XKR9: variants seen among roughly 807,000 people sequenced by gnomAD.
XKR9 encodes XK-related protein 9.
A neutral mutation model predicts 32.0 loss-of-function variants in XKR9; 32 were observed. That is an observed-to-expected ratio of 1.00 (90% CI 0.76 to 1.34). The LOEUF (loss-of-function observed/expected upper bound fraction) is 1.34, where lower values mean the gene tolerates loss of function less well. XKR9 is among the 40% of genes most tolerant of loss of function. The pLI, the probability that XKR9 is intolerant of heterozygous loss-of-function variation, is 0.00. For synonymous variants in XKR9, 168 were observed against 143.4 expected, an observed-to-expected ratio of 1.17 and a Z score of -1.22; for missense variants, 546 against 429.7, an observed-to-expected ratio of 1.27 and a Z score of -2.39.
chr8:70,810,804 C>A, the XKR9 span, among the ~76,000 whole-genome samples: 1 of 152,140 alleles, frequency 6.6e-6, no homozygotes. Context: ...TCCTTAGAGA[C>A]CTACAAAGAG....
intron 2 of XKR9, among the ~76,000 whole-genome samples, chr8:70,676,399 C>T (rs569082979): frequency 6.6e-6 from 1 of 152,262 alleles, no homozygotes; most frequent in Admixed American, 6.5e-5. Flanking sequence ...AAGAAGTCCC[C>T]TATGAAGCCA....
the XKR9 span, among the ~76,000 whole-genome samples, chr8:70,997,770 A>T: frequency 6.6e-6 from 1 of 152,230 alleles, no homozygotes; most frequent in African/African-American, 2.4e-5. Context: ...GAAATAAATA[A>T]ATAAATAAAA....
the XKR9 span, among the ~76,000 whole-genome samples, chr8:70,859,615 A>C: frequency 1.3e-5 from 2 of 152,158 alleles, no homozygotes; most frequent in African/African-American, 2.4e-5. Context: ...TAATGAATGG[A>C]TAAAGTATGG....
the XKR9 span, among the ~76,000 whole-genome samples, chr8:70,961,250 T>C: frequency 6.6e-6 from 1 of 152,042 alleles, no homozygotes; most frequent in East Asian, 1.9e-4. Flanking sequence ...AGCAGAGGTA[T>C]AGAGGAAGCC....
chr8:70,944,763 A>G, the XKR9 span, among the ~76,000 whole-genome samples: 1 of 152,240 alleles, frequency 6.6e-6, no homozygotes, highest in African/African-American at 2.4e-5. Flanking sequence ...AAGCAGTTTA[A>G]TGGAGAAGAT....
the XKR9 span, among the ~76,000 whole-genome samples, chr8:70,915,113 G>T: frequency 1.3e-5 from 2 of 152,100 alleles, no homozygotes; most frequent in African/African-American, 4.8e-5. Context: ...TGGGCTTGCA[G>T]AACTAGTTGA....
the XKR9 span, among the ~76,000 whole-genome samples, chr8:71,037,447 G>A: frequency 6.6e-6 from 1 of 152,116 alleles, no homozygotes; most frequent in Non-Finnish European, 1.5e-5. Context: ...GTATTCGGAG[G>A]CCCTGATAAT....
At chr8:71,017,150 T>C in the XKR9 span, among the ~76,000 whole-genome samples, 1 of 152,174 alleles carries the variant, frequency 6.6e-6, no homozygotes, top group African/African-American at 2.4e-5. Context: ...TATGTGGAAT[T>C]TTGACATTTC....
chr8:70,677,473 A>T (rs1818923157), intron 2 of XKR9, among the ~76,000 whole-genome samples: 2 of 152,174 alleles, frequency 1.3e-5, no homozygotes, highest in South Asian at 4.1e-4. Context: ...AAAGGTTTAG[A>T]TCACATCATT....
the XKR9 span, among the ~76,000 whole-genome samples, chr8:70,799,458 G>A: frequency 6.6e-6 from 1 of 152,156 alleles, no homozygotes; most frequent in East Asian, 1.9e-4. Flanking sequence ...AGCCTTCTGA[G>A]TAGCTGGGAC....
the XKR9 span, among the ~76,000 whole-genome samples, chr8:70,817,888 G>A: frequency 6.6e-6 from 1 of 152,132 alleles, no homozygotes; most frequent in Non-Finnish European, 1.5e-5. Flanking sequence ...AATAAACGGT[G>A]CTGTGATAAC....
intron 4 of XKR9, among the ~76,000 whole-genome samples, chr8:70,719,232 A>C (rs1806193790): frequency 6.6e-6 from 1 of 151,976 alleles, no homozygotes; most frequent in Non-Finnish European, 1.5e-5. Flanking sequence ...AGACTGCAAA[A>C]ATTTTCTCTC....
chr8:70,892,408 C>T, the XKR9 span, among the ~76,000 whole-genome samples: 1 of 151,572 alleles, frequency 6.6e-6, no homozygotes, highest in Non-Finnish European at 1.5e-5. Flanking sequence ...TTCTTTTTTC[C>T]TTTGTGTAAC....
the XKR9 span, among the ~76,000 whole-genome samples, chr8:71,042,027 A>G: frequency 6.6e-6 from 1 of 152,086 alleles, no homozygotes; most frequent in African/African-American, 2.4e-5. Context: ...ATGCCATAGC[A>G]TTGGGAGGGA....
At chr8:70,815,427 G>T in the XKR9 span, among the ~76,000 whole-genome samples, 1 of 151,954 alleles carries the variant, frequency 6.6e-6, no homozygotes, top group African/African-American at 2.4e-5. Context: ...GTGGTATTTG[G>T]TTTTTCTGTT....
chr8:70,926,050 C>T, the XKR9 span, among the ~76,000 whole-genome samples: 1 of 152,048 alleles, frequency 6.6e-6, no homozygotes, highest in Non-Finnish European at 1.5e-5. Context: ...AAAAAATATA[C>T]CACATATATT....
the XKR9 span, among the ~76,000 whole-genome samples, chr8:70,898,056 A>G: frequency 6.4e-3 from 976 of 152,308 alleles, 19 homozygotes; most frequent in African/African-American, 0.022. Flanking sequence ...TCTTAGATTT[A>G]AGTCTGTAAT....
chr8:70,745,521 A>G (rs1336739459), intron 2 of XKR9, among the ~76,000 whole-genome samples: 1 of 152,192 alleles, frequency 6.6e-6, no homozygotes, highest in Non-Finnish European at 1.5e-5. Context: ...TTATTGAAAC[A>G]CATTGCTGGC....
At chr8:70,988,468 G>A in the XKR9 span, among the ~76,000 whole-genome samples, 1 of 152,070 alleles carries the variant, frequency 6.6e-6, no homozygotes, top group Admixed American at 6.5e-5. Context: ...CGGTGCTGGA[G>A]TTATTGTAGC....
Sources: allele counts gnomAD v4.1 joint callset (sites outside exome capture counted in the v4.1 genomes callset), GRCh38; gene constraint gnomAD v4.1.1; transcripts MANE v1.5; gene names NCBI Gene and HGNC (gene_info 2026-07-23, HGNC 2026-07-21).